AKT3: variants seen among roughly 807,000 people sequenced by gnomAD.
AKT3 encodes AKT serine/threonine kinase 3.
A neutral mutation model predicts 65.3 loss-of-function variants in AKT3; 15 were observed. The ratio of observed to expected loss-of-function variants is 0.23; its 90% confidence interval spans 0.15 to 0.35. The LOEUF is 0.35. AKT3 is among the 10% of genes least tolerant of loss of function. AKT3 has a pLI of 1.00. For synonymous variants in AKT3, 206 were observed against 183.8 expected (o/e 1.12, Z -0.98); for missense variants, 243 against 576.5 (o/e 0.42, Z 5.92).
intron 1 of AKT3, among the ~76,000 whole-genome samples, chr1:243,846,974 G>T: frequency 6.6e-6 from 1 of 152,146 alleles, no homozygotes; most frequent in Non-Finnish European, 1.5e-5. Context: ...ACCAGGCATT[G>T]GTTAGCATTA....
At position 243,760,213 on chromosome 1, in the gene AKT3, G is replaced by A. The variant is rs561377252; in HGVS notation, c.47-64497C>T. ...TTGCCCACTGCAGCCTCAACCTCCTGGGCTCAAGCATCCTCCTATCTCAGC... is the reference window on the plus strand; with the variant it reads ...TTGCCCACTGCAGCCTCAACCTCCTAGGCTCAAGCATCCTCCTATCTCAGC... On this transcript the variant is annotated intron_variant, in intron 2 of 13. Transcript: ENST00000673466. 9.9e-5 allele frequency among the ~76,000 whole-genome samples: 15 copies of A among 151,254 alleles called. No individual in the cohort carries two copies. In the South Asian group the frequency reaches 3.1e-3, roughly 32 times the overall value.
intron 10 of AKT3, among the ~76,000 whole-genome samples, chr1:243,563,101 G>A (rs537724161): frequency 6.6e-6 from 1 of 152,250 alleles, no homozygotes; most frequent in South Asian, 2.1e-4. Context: ...TAAGTTCCCT[G>A]AGACTAGGAT....
chr1:243,613,871 T>C (rs1031284633), intron 7 of AKT3, 132 bp from the exon 8 acceptor site: 3 of 523,306 alleles, frequency 5.7e-6, no homozygotes, highest in Non-Finnish European at 9.5e-6. Flanking sequence ...TAAGAGTTTA[T>C]TTACTACTTA....
Position 243,619,750 on chromosome 1 carries a change from C to T in AKT3, c.562-4589G>A, listed in dbSNP as rs147365382. Among the ~76,000 whole-genome samples the T allele has an allele frequency of 2.0e-5, 2 of 99,110 alleles. 1 individual carries two copies. The highest frequency in any genetic ancestry group is 5.4e-4 in the East Asian group (2 of 3,714). 65.0% of individuals were successfully genotyped at this position (99,110 alleles called of 152,430 possible). ...ATTTATCCTTTCATTCATTGATGGG[C>T]ACTTAGGTTGATTACATATTTTGGC... On this transcript the variant is annotated intron_variant, in intron 6 of 13. Coordinates refer to ENST00000673466, the MANE Select transcript of AKT3 (RefSeq NM_005465.7).
chr1:243,656,211 T>C (rs1309344359), intron 4 of AKT3, among the ~76,000 whole-genome samples: 5 of 152,122 alleles, frequency 3.3e-5, no homozygotes, highest in Non-Finnish European at 7.4e-5. Context: ...TTTAAAAATG[T>C]AATTAATTTG....
intron 3 of AKT3, among the ~76,000 whole-genome samples, chr1:243,665,883 G>A (rs1387429330): frequency 5.3e-5 from 8 of 152,096 alleles, no homozygotes; most frequent in East Asian, 1.9e-4. Context: ...ATTTATCTCC[G>A]TTGAAAACTT....
At chr1:243,586,339 T>A (rs894422961) in intron 8 of AKT3, among the ~76,000 whole-genome samples, 1 of 103,818 alleles carries the variant, frequency 9.6e-6, no homozygotes, top group African/African-American at 4.1e-5. Context: ...AATTCTGAGA[T>A]TTTTCAAAGA....
chr1:243,536,872 T>C (rs191778192), intron 12 of AKT3, among the ~76,000 whole-genome samples: 124 of 152,280 alleles, frequency 8.1e-4, no homozygotes, highest in Non-Finnish European at 1.2e-3. Flanking sequence ...GGGCCATTAT[T>C]TGAGTGTGAT....
chr1:243,625,772 T>C (rs1458452058), intron 6 of AKT3, among the ~76,000 whole-genome samples: 2 of 152,214 alleles, frequency 1.3e-5, no homozygotes, highest in African/African-American at 4.8e-5. Flanking sequence ...AGCAGTATCT[T>C]TGATTCTGAA....
At chr1:243,699,503 A>G (rs868277518) in intron 2 of AKT3, among the ~76,000 whole-genome samples, 12 of 79,360 alleles carry the variant, frequency 1.5e-4, no homozygotes, top group African/African-American at 5.1e-4. Flanking sequence ...ATATATATAT[A>G]TATATATATA....
chr1:243,791,633 G>A (rs1691638620), intron 2 of AKT3, among the ~76,000 whole-genome samples: 1 of 152,166 alleles, frequency 6.6e-6, no homozygotes, highest in South Asian at 2.1e-4. Flanking sequence ...ATGAGACGAA[G>A]GATAAATGGT....
At chr1:243,824,307 C>T (rs1694029974) in intron 2 of AKT3, among the ~76,000 whole-genome samples, 1 of 152,138 alleles carries the variant, frequency 6.6e-6, no homozygotes, top group Admixed American at 6.5e-5. Flanking sequence ...TATAAAAACT[C>T]TAGAAGAAAA....
chr1:243,660,241 C>T (rs1398530476), intron 4 of AKT3, among the ~76,000 whole-genome samples: 1 of 151,982 alleles, frequency 6.6e-6, no homozygotes. Flanking sequence ...TTATCCATTT[C>T]TTCTAGATTT....
At chr1:243,538,310 G>A (rs138664521) in intron 12 of AKT3, among the ~76,000 whole-genome samples, 159 of 150,396 alleles carry the variant, frequency 1.1e-3, no homozygotes, top group African/African-American at 3.8e-3. Flanking sequence ...AGACATACAA[G>A]AAGACAATAG....
At chr1:243,700,966 C>T (rs1685419834) in intron 2 of AKT3, among the ~76,000 whole-genome samples, 2 of 152,162 alleles carry the variant, frequency 1.3e-5, no homozygotes, top group Admixed American at 1.3e-4. Context: ...GTGTTCACTT[C>T]CTACCATTCA....
intron 10 of AKT3, among the ~76,000 whole-genome samples, chr1:243,558,007 T>A (rs1673522199): frequency 6.6e-6 from 1 of 152,088 alleles, no homozygotes; most frequent in East Asian, 1.9e-4. Flanking sequence ...TAACTACATG[T>A]GCTACTATTT....
rs576624034 is a variant in AKT3 at position 243,669,741 on chromosome 1, A to G, written c.173-4858T>C. Among the ~76,000 whole-genome samples the G allele has an allele frequency of 5.3e-5, 8 of 152,314 alleles. No individual in the cohort carries two copies. The South Asian group carries it at 1.7e-3, about 32-fold the overall frequency. On this transcript the variant is annotated intron_variant, in intron 3 of 13. Transcript: ENST00000673466. Reference sequence around the variant, plus strand: ...CAAATATCAATTACTATAATTTATAAGGCTGCTAAAAACAATAAAAGATAT... The same window carrying G: ...CAAATATCAATTACTATAATTTATAGGGCTGCTAAAAACAATAAAAGATAT...
intron 2 of AKT3, among the ~76,000 whole-genome samples, chr1:243,713,746 T>TAAAAAAAAA (rs572960154): frequency 1.2e-5 from 1 of 82,976 alleles, no homozygotes; most frequent in Admixed American, 1.7e-4. Context: ...TTTGCCTTAA[T>TAAAAAAAAA]AAAAAAAAAA....
chr1:243,591,985 C>A (rs1375759606), intron 8 of AKT3, among the ~76,000 whole-genome samples: 1 of 152,048 alleles, frequency 6.6e-6, no homozygotes, highest in South Asian at 2.1e-4. Flanking sequence ...GAACAATATT[C>A]AAAAATTTTC....
Sources: gnomAD v4.1 joint callset for allele counts (sites outside exome capture counted in the v4.1 genomes callset) on GRCh38, gnomAD v4.1.1 for gene constraint, MANE v1.5 for transcripts, NCBI Gene and HGNC (gene_info 2026-07-23, HGNC 2026-07-21) for gene names.